The following NAB1 variants were observed in gnomAD, a reference collection of about 807,000 sequenced individuals.
NAB1 encodes the protein NGFI-A-binding protein 1.
NAB1 carries 25 observed loss-of-function variants against 49.9 expected under a neutral mutation model. The ratio of observed to expected loss-of-function variants is 0.50; its 90% CI spans 0.37 to 0.70. The LOEUF is 0.70. Ranked by LOEUF, NAB1 falls within the 30% of genes least tolerant of loss-of-function variation. NAB1 has a pLI of 0.00. For synonymous variants in NAB1, 198 were observed against 215.6 expected, an observed-to-expected ratio of 0.92 and a Z score of 0.71; for missense variants, 489 against 575.9, an observed-to-expected ratio of 0.85 and a Z score of 1.54.
chr2:190,665,583 C>CT (rs1362307112), intron 4 of NAB1, among the ~76,000 whole-genome samples: 2 of 152,148 alleles, frequency 1.3e-5, no homozygotes, highest in African/African-American at 4.8e-5. Flanking sequence ...ATTCATATTT[C>CT]TTGGAACTTT....
chr2:190,655,444 A>G (rs1031115963), intron 2 of NAB1, among the ~76,000 whole-genome samples: 1 of 152,240 alleles, frequency 6.6e-6, no homozygotes, highest in Non-Finnish European at 1.5e-5. Context: ...GAGATGTAAT[A>G]TAAAAATTTG....
chr2:190,688,972 A>G lies in NAB1; in HGVS notation c.1376-1273A>G, dbSNP rs552651885. 4.0e-5 allele frequency among the ~76,000 whole-genome samples: 6 copies of G among 151,780 alleles called. No individual in the cohort carries two copies. The South Asian group carries it at 1.2e-3, about 32-fold the overall frequency. ...TCCTGCCTCAGCCTCCCGAGTAGCTAGGACTACAAGTGCCCGCCACTGCAC... is the reference window on the plus strand; with the variant it reads ...TCCTGCCTCAGCCTCCCGAGTAGCTGGGACTACAAGTGCCCGCCACTGCAC... On this transcript the variant is annotated intron_variant, in intron 9 of 9. Coordinates refer to ENST00000337386, the MANE Select transcript of NAB1 (RefSeq NM_005966.4).
rs1695129559 is a variant in NAB1 at position 190,677,482 on chromosome 2, T to C, written c.1005+4330T>C. On this transcript the variant is annotated intron_variant, in intron 6 of 9. Transcript: ENST00000337386. The surrounding 1 kb of genome is among the most constrained non-coding windows in gnomAD (Gnocchi z 5.6). ...CTGCTTAGACGGAATGAATAACATG[T>C]CCACTGGAACACAGCCCTCTGTGAG... 1 of 152,218 alleles carries C rather than the reference T, an allele frequency of 6.6e-6. No homozygotes were observed. Among genetic ancestry groups the C allele is most frequent in the Admixed American group, 6.5e-5 (1 of 15,284 alleles). The allele number at this position is 152,218 out of a possible 1,614,324, so 9.4% of individuals were successfully genotyped here. A position where few individuals can be genotyped will look rare whatever the true frequency, so the allele number is the denominator to read the frequency against.
At position 190,680,768 on chromosome 2, in the gene NAB1, A is replaced by G. The variant is rs543815942; in HGVS notation, c.1006-2970A>G. On this transcript the variant is annotated intron_variant, in intron 6 of 9. Transcript: ENST00000337386. The surrounding 1 kb of genome is among the most constrained non-coding windows in gnomAD (Gnocchi z 5.2). ...TGTCTGTACTTTGTAATTGTCCATA[A>G]AATTTCTCTTTTTTCCCCAGTATGA... 1.3e-5 allele frequency among the ~76,000 whole-genome samples: 2 copies of G among 152,128 alleles called. No individual in the cohort carries two copies. Among genetic ancestry groups the G allele is most frequent in the Non-Finnish European group, 2.9e-5 (2 of 68,026 alleles).
chr2:190,660,023 G>A (rs776831193), intron 4 of NAB1, 28 bp downstream of exon 4: 1 of 1,575,334 alleles, frequency 6.3e-7, no homozygotes, highest in South Asian at 1.1e-5. Flanking sequence ...TTCCTTCTGT[G>A]TGTGTATGTG....
intron 9 of NAB1, among the ~76,000 whole-genome samples, chr2:190,688,748 GTCTT>G (rs1420695210): frequency 2.6e-5 from 4 of 152,080 alleles, no homozygotes; most frequent in South Asian, 2.1e-4. Flanking sequence ...CTGAAAAAGC[GTCTT>G]TCTTTCTCTT....
intron 4 of NAB1, among the ~76,000 whole-genome samples, chr2:190,664,585 C>CTTTTTTTT (rs1694404187): frequency 1.2e-5 from 1 of 80,092 alleles, no homozygotes; most frequent in Non-Finnish European, 2.5e-5. Context: ...TTTCTTCTTT[C>CTTTTTTTT]CTTTTTTTTT....
Position 190,683,727 on chromosome 2 carries a change from T to C in NAB1, c.1006-11T>C, listed in dbSNP as rs766791888. The C allele has an allele frequency of 6.3e-7, 1 of 1,598,168 alleles. No homozygotes were observed. The highest frequency in any genetic ancestry group is 8.5e-7 in the Non-Finnish European group (1 of 1,170,658). On this transcript the variant is annotated splice_polypyrimidine_tract_variant and intron_variant, in intron 6 of 9. Coordinates refer to ENST00000337386, the MANE Select transcript of NAB1 (RefSeq NM_005966.4). ...ACTCTAAATATAAAGGACTTCTTATTTGACCCACAGGATGGGTTTCCAGAT... is the reference window on the plus strand; with the variant it reads ...ACTCTAAATATAAAGGACTTCTTATCTGACCCACAGGATGGGTTTCCAGAT...
rs772549387 is a variant in NAB1 at position 190,673,130 on chromosome 2, C to G, written c.983C>G (p.Ser328Cys). The G allele has an allele frequency of 2.5e-6, 4 of 1,605,244 alleles. No individual in the cohort carries two copies. Among genetic ancestry groups the G allele is most frequent in the Non-Finnish European group, 3.4e-6 (4 of 1,175,402 alleles). Residue 328 changes from serine (S) to cysteine (C), a missense_variant, in exon 6 of 10, where the codon TCC becomes TGC. Transcript: ENST00000337386. ...KSKCGERDEL[S>C]PKRIKVEDGF... ...AAATGTGGAGAAAGAGATGAATTATCCCCAAAGAGAATTAAAGTGGAGGTA... is the reference window on the plus strand; with the variant it reads ...AAATGTGGAGAAAGAGATGAATTATGCCCAAAGAGAATTAAAGTGGAGGTA...
At position 190,670,292 on chromosome 2, in the gene NAB1, T is replaced by G. The variant is rs752018401; in HGVS notation, c.820-34T>G. 2 of 1,574,132 alleles carry G rather than the reference T, an allele frequency of 1.3e-6. No individual in the cohort carries two copies. The highest frequency in any genetic ancestry group is 2.7e-5 in the African/African-American group (2 of 73,034). On this transcript the variant is annotated intron_variant, in intron 4 of 9. Coordinates refer to ENST00000337386, the MANE Select transcript of NAB1 (RefSeq NM_005966.4). The surrounding 1 kb of genome is among the most constrained non-coding windows in gnomAD (Gnocchi z 5.3). ...TTTGCATTTTGATGAAATTAAAATG[T>G]TCTTAATTTTGAAACTCTGTTTTGG...
intron 9 of NAB1, among the ~76,000 whole-genome samples, 166 bp downstream of exon 9, chr2:190,687,483 G>T (rs1451253377): frequency 6.6e-6 from 1 of 151,062 alleles, no homozygotes; most frequent in East Asian, 1.9e-4. Flanking sequence ...AATGCTTCAG[G>T]ATCCAAAATG....
At position 190,684,966 on chromosome 2, in the gene NAB1, A is replaced by T. The variant is rs1371622910; in HGVS notation, c.1096-510A>T. On this transcript the variant is annotated intron_variant, in intron 7 of 9. Coordinates refer to ENST00000337386, the MANE Select transcript of NAB1 (RefSeq NM_005966.4). The surrounding 1 kb of genome is among the most constrained non-coding windows in gnomAD (Gnocchi z 4.6). ...GCACTGATGTTTTTCTGCATAATTT[A>T]CATTGTTTAATTTTAGTGGGAAGTG... Among the ~76,000 whole-genome samples the T allele has an allele frequency of 6.6e-6, 1 of 152,172 alleles. No homozygotes were observed. Among genetic ancestry groups the T allele is most frequent in the African/African-American group, 2.4e-5 (1 of 41,438 alleles).
chr2:190,687,187 T>A lies in NAB1; in HGVS notation c.1259-14T>A. On this transcript the variant is annotated splice_polypyrimidine_tract_variant and intron_variant, in intron 8 of 9. Transcript: ENST00000337386. ...TTTTTAATATTATGCATATTTCTTT[T>A]TTCTTTTCATTAGGAGAAAGACCTT... The A allele has an allele frequency of 6.6e-7, 1 of 1,517,434 alleles. No homozygotes were observed. Among genetic ancestry groups the A allele is most frequent in the South Asian group, 1.2e-5 (1 of 80,042 alleles). 94.0% of individuals were successfully genotyped at this position (1,517,434 alleles called of 1,614,324 possible).
intron 4 of NAB1, among the ~76,000 whole-genome samples, chr2:190,668,053 G>A (rs373319595): frequency 2.6e-5 from 4 of 152,094 alleles, no homozygotes; most frequent in African/African-American, 9.7e-5. Flanking sequence ...ACAACCAAAT[G>A]CTGTTTTAGA....
At chr2:190,671,062 T>C (rs1694779702) in intron 5 of NAB1, among the ~76,000 whole-genome samples, 2 of 152,242 alleles carry the variant, frequency 1.3e-5, no homozygotes, top group Non-Finnish European at 2.9e-5. Flanking sequence ...ATAAGCATTG[T>C]CTACAGGATA....
rs1694742078 is a variant in NAB1 at position 190,670,376 on chromosome 2, G to A, written c.870G>A (p.Leu290=). ...AACTCTGTGTGAAGGATAATGCCCT[G>A]CTGACAAGAAGAGATGAGCTTTTTG... ...AAQLCVKDNA[L]LTRRDELFAL... Residue 290 remains leucine (L), a synonymous_variant, in exon 5 of 10, where the codon CTG becomes CTA. Coordinates refer to ENST00000337386, the MANE Select transcript of NAB1 (RefSeq NM_005966.4). This position sits in a 1 kb window ranked among gnomAD's most constrained non-coding sequence, Gnocchi z 5.3. 6.2e-7 allele frequency: 1 copy of A among 1,613,992 alleles called. No homozygotes were observed. The highest frequency in any genetic ancestry group is 1.3e-5 in the African/African-American group (1 of 75,032).
rs746280740 is a variant in NAB1 at position 190,685,557 on chromosome 2, A to G, written c.1177A>G (p.Arg393Gly). ...GYERLQHAERRLSAGLYRQSS... is the reference protein window; with the variant it reads ...GYERLQHAERGLSAGLYRQSS... Reference sequence around the variant, plus strand: ...TGAGAGACTGCAGCATGCCGAGAGGAGGTTGTCTGCAGGGCTTTACAGGCA... The same window carrying G: ...TGAGAGACTGCAGCATGCCGAGAGGGGGTTGTCTGCAGGGCTTTACAGGCA... The change falls in exon 8 of 10, where the codon AGG becomes GGG. Residue 393 changes from arginine to glycine, a missense_variant. Arg to Gly is a moderately radical substitution (Grantham distance 125, BLOSUM62 -2). Around this residue, in one of 4 missense-constraint regions of NAB1, gnomAD observed 212 missense variants for 199.3 expected, o/e 1.06. Coordinates refer to ENST00000337386, the MANE Select transcript of NAB1 (RefSeq NM_005966.4). This position sits in a 1 kb window ranked among gnomAD's most constrained non-coding sequence, Gnocchi z 4.5. 1.2e-6 allele frequency: 2 copies of G among 1,614,072 alleles called. No homozygotes were observed. The highest frequency in any genetic ancestry group is 2.2e-5 in the South Asian group (2 of 91,074).
chr2:190,653,477 G>A (rs1241264877), intron 2 of NAB1, among the ~76,000 whole-genome samples: 1 of 152,168 alleles, frequency 6.6e-6, no homozygotes, highest in Non-Finnish European at 1.5e-5. Flanking sequence ...GCTGTGTTGG[G>A]GGAAGGAATT....
chr2:190,676,427 T>C lies in NAB1; in HGVS notation c.1005+3275T>C, dbSNP rs1489948028. On this transcript the variant is annotated intron_variant, in intron 6 of 9. Coordinates refer to ENST00000337386, the MANE Select transcript of NAB1 (RefSeq NM_005966.4). The surrounding 1 kb of genome is among the most constrained non-coding windows in gnomAD (Gnocchi z 4.6). ...TGATTCTCAGCTTGTTATTTTCTATTTAAAGAAAGTAATATACAAGACTGA... is the reference window on the plus strand; with the variant it reads ...TGATTCTCAGCTTGTTATTTTCTATCTAAAGAAAGTAATATACAAGACTGA... Among the ~76,000 whole-genome samples the C allele has an allele frequency of 2.0e-5, 3 of 152,200 alleles. No individual in the cohort carries two copies. The highest frequency in any genetic ancestry group is 7.2e-5 in the African/African-American group (3 of 41,448).
Sources: gnomAD v4.1 joint callset for allele counts (sites outside exome capture counted in the v4.1 genomes callset) on GRCh38, gnomAD v4.1.1 for gene constraint, gnomAD v4.1.1 regional missense constraint, Gnocchi (gnomAD v3.1) non-coding constraint, MANE v1.5 for transcripts, NCBI Gene and HGNC (gene_info 2026-07-23, HGNC 2026-07-21) for gene names.